The following DLL3 variants were observed in gnomAD, a reference collection of about 807,000 sequenced individuals.
DLL3 encodes the protein delta like canonical Notch ligand 3.
In DLL3, 49 loss-of-function variants were observed where a neutral mutation model predicts 55.0. The observed-to-expected ratio is 0.89, with a 90% CI of 0.71 to 1.13. The LOEUF (loss-of-function observed/expected upper bound fraction) is 1.13. Ranked by LOEUF, DLL3 falls within the 50% of genes most tolerant of loss-of-function variation. The pLI is 0.00. For synonymous variants in DLL3, 421 were observed against 385.2 expected, an observed-to-expected ratio of 1.09 and a Z score of -1.09; for missense variants, 962 against 875.5, an observed-to-expected ratio of 1.10 and a Z score of -1.25.
rs774019112 is a variant in DLL3, at chr19:39,507,041, G to A, written c.1096G>A (p.Gly366Arg). 9 of 1,535,638 alleles carry A rather than the reference G, an allele frequency of 5.9e-6. No individual in the cohort carries two copies. Among genetic ancestry groups the A allele is most frequent in the Middle Eastern group, 2.1e-4 (1 of 4,672 alleles). ...RCSLQPCRNG[G>R]LCLDLGHALR... ...CTCTGATGCTCCCTTCCCCACAGGC[G>A]GACTCTGCCTGGACCTGGGCCACGC... The change falls in exon 7 of 9, where the codon GGA becomes AGA. Residue 366 changes from glycine (G) to arginine (R), a missense_variant and splice_region_variant. Coordinates refer to ENST00000356433, the MANE Select transcript of DLL3 (RefSeq NM_203486.3).
Position 39,502,012 on chromosome 19 carries a change from T to C in DLL3, c.410-803T>C, listed in dbSNP as rs758344628. Among the ~76,000 whole-genome samples, 5 of 151,816 alleles carry C rather than the reference T, an allele frequency of 3.3e-5. No homozygotes were observed. The East Asian group carries it at 5.9e-4, about 18-fold the overall frequency. On this transcript the variant is annotated intron_variant, in intron 3 of 8. Coordinates refer to ENST00000356433, the MANE Select transcript of DLL3 (RefSeq NM_203486.3). The stretch of plus-strand genomic sequence containing the variant: ...CATCCTGGCTAACATGGTGAAACCC[T>C]GTCTCTACTAAAAATACAAAAAAAA...
chr19:39,504,037 G>A, intron 4 of DLL3, 34 bp from the exon 5 acceptor site: 1 of 1,608,702 alleles, frequency 6.2e-7, no homozygotes, highest in Non-Finnish European at 8.5e-7. Context: ...CGACGTTGGT[G>A]TTCCCTTTCT....
At position 39,507,105 on chromosome 19, in the gene DLL3, G is replaced by A. The variant is rs751674309; in HGVS notation, c.1160G>A (p.Arg387His). Residue 387 changes from arginine to histidine, a missense_variant, in exon 7 of 9, where the codon CGC (arginine) becomes CAC (histidine). Coordinates refer to ENST00000356433, the MANE Select transcript of DLL3 (RefSeq NM_203486.3). ...TGCCGCGCCGGCTTCGCGGGTCCTCGCTGCGAGCACGACCTGGACGACTGC... is the reference window on the plus strand; with the variant it reads ...TGCCGCGCCGGCTTCGCGGGTCCTCACTGCGAGCACGACCTGGACGACTGC... ...CRCRAGFAGP[R>H]CEHDLDDCAG... The A allele has an allele frequency of 9.7e-6, 15 of 1,543,160 alleles. No homozygotes were observed. The highest frequency in any genetic ancestry group is 1.3e-5 in the Non-Finnish European group (15 of 1,151,804).
intron 6 of DLL3, among the ~76,000 whole-genome samples, chr19:39,506,020 G>A (rs899849922): frequency 6.6e-6 from 1 of 151,918 alleles, no homozygotes; most frequent in Non-Finnish European, 1.5e-5. Flanking sequence ...AGACCAGCCC[G>A]GGCCACATGG....
Position 39,507,180 on chromosome 19 carries a change from C to T in DLL3, c.1235C>T (p.Ala412Val). The change falls in exon 7 of 9, where the codon GCG (alanine) becomes GTG (valine). Residue 412 changes from alanine to valine, a missense_variant. Coordinates refer to ENST00000356433, the MANE Select transcript of DLL3 (RefSeq NM_203486.3). ...NGGTCVEGGG[A>V]HRCSCALGFG... The stretch of plus-strand genomic sequence containing the variant: ...GGCACGTGTGTGGAGGGCGGCGGCG[C>T]GCACCGCTGCTCCTGCGCGCTGGGC... 6 of 1,348,648 alleles carry T rather than the reference C, an allele frequency of 4.4e-6. No homozygotes were observed. The highest frequency in any genetic ancestry group is 5.7e-6 in the Non-Finnish European group (6 of 1,059,232). 83.5% of individuals were successfully genotyped at this position (1,348,648 alleles called of 1,614,324 possible).
chr19:39,505,146 G>GCC, intron 5 of DLL3, 83 bp from the exon 6 acceptor site: 1 of 1,405,320 alleles, frequency 7.1e-7, no homozygotes, highest in Non-Finnish European at 1.0e-6. Context: ...ACAAGGAGCA[G>GCC]CCCCCAGTGG....
intron 6 of DLL3, among the ~76,000 whole-genome samples, chr19:39,505,972 A>C (rs2079638114): frequency 6.6e-6 from 1 of 152,082 alleles, no homozygotes; most frequent in South Asian, 2.1e-4. Flanking sequence ...GCACTTTGGG[A>C]GGCCGAGGCG....
Position 39,508,361 on chromosome 19 carries a change from G to C in DLL3, c.*104G>C. On this transcript the variant is annotated 3_prime_UTR_variant, in exon 9 of 9. Coordinates refer to ENST00000356433, the MANE Select transcript of DLL3 (RefSeq NM_203486.3). ...GGCTTTGGAGTTCAATCTTGAAGGG[G>C]TGTCTGGGGGAACTTTACTGTTGCA... The C allele has an allele frequency of 7.6e-7, 1 of 1,319,530 alleles. No individual in the cohort carries two copies. The highest frequency in any genetic ancestry group is 1.1e-6 in the Non-Finnish European group (1 of 916,592). The allele number at this position is 1,319,530 out of a possible 1,614,324, so 81.7% of individuals were successfully genotyped here. A position where few individuals can be genotyped will look rare whatever the true frequency, so the allele number is the denominator to read the frequency against.
intron 3 of DLL3, 140 bp from the exon 4 acceptor site, chr19:39,502,675 C>A (rs953440836): frequency 6.5e-6 from 7 of 1,084,570 alleles, no homozygotes; most frequent in Non-Finnish European, 8.3e-6. Context: ...ATTCTACTCG[C>A]GAGGTCCAAG....
chr19:39,505,291 G>A lies in DLL3; in HGVS notation c.933G>A (p.Val311=), dbSNP rs760420806. 13 of 1,614,090 alleles carry A rather than the reference G, an allele frequency of 8.1e-6. No individual in the cohort carries two copies. Among genetic ancestry groups the A allele is most frequent in the Non-Finnish European group, 1.0e-5 (12 of 1,180,046 alleles). The part of the protein sequence containing the change: ...PRGFYGLRCE[V]SGVTCADGPC... ...GGTTCTACGGGCTGCGGTGTGAGGT[G>A]AGCGGGGTGACATGTGCAGATGGAC... is the stretch of plus-strand genomic sequence containing the variant. The change falls in exon 6 of 9, where the codon GTG becomes GTA. Residue 311 remains valine (V), a synonymous_variant. Coordinates refer to ENST00000356433, the MANE Select transcript of DLL3 (RefSeq NM_203486.3).
intron 3 of DLL3, 21 bp downstream of exon 3, chr19:39,500,693 G>T: frequency 6.2e-7 from 1 of 1,611,022 alleles, no homozygotes; most frequent in South Asian, 1.1e-5. Flanking sequence ...TCAGTCTTGG[G>T]ACTGGTGGGG....
Position 39,499,222 on chromosome 19 carries a change from A to T in DLL3, c.100A>T (p.Ile34Phe), listed in dbSNP as rs781688970. The change falls in exon 2 of 9, where the codon ATC becomes TTC. Residue 34 changes from isoleucine to phenylalanine, a missense_variant. Transcript: ENST00000356433. Reference sequence around the variant, plus strand: ...GCCCGCTGGCGTCTTCGAGCTGCAGATCCACTCTTTCGGGCCGGGTCCAGG... The same window carrying T: ...GCCCGCTGGCGTCTTCGAGCTGCAGTTCCACTCTTTCGGGCCGGGTCCAGG... ...TRPAGVFELQIHSFGPGPGPG... is the reference protein window; with the variant it reads ...TRPAGVFELQFHSFGPGPGPG... 221 of 1,560,512 alleles carry T rather than the reference A, an allele frequency of 1.4e-4. No homozygotes were observed. Among genetic ancestry groups the T allele is most frequent in the Non-Finnish European group, 1.9e-4 (217 of 1,158,276 alleles).
At chr19:39,504,042 CTT>C (rs1393011140) in intron 4 of DLL3, 27 bp from the exon 5 acceptor site, 1 of 1,611,578 alleles carries the variant, frequency 6.2e-7, no homozygotes, top group Admixed American at 1.7e-5. Flanking sequence ...TTGGTGTTCC[CTT>C]TCTCTCTGCC....
chr19:39,500,346 T>C (rs931804070), intron 2 of DLL3, among the ~76,000 whole-genome samples: 1 of 151,312 alleles, frequency 6.6e-6, no homozygotes, highest in African/African-American at 2.4e-5. Context: ...GGAGGATTGC[T>C]TGAGCCTCGG....
rs1023296017 is a variant in DLL3 at position 39,507,104 on chromosome 19, C to G, written c.1159C>G (p.Arg387Gly). The G allele has an allele frequency of 6.5e-7, 1 of 1,543,254 alleles. No individual in the cohort carries two copies. Among genetic ancestry groups the G allele is most frequent in the Non-Finnish European group, 8.7e-7 (1 of 1,151,822 alleles). The change falls in exon 7 of 9, where the codon CGC becomes GGC. Residue 387 changes from arginine (R) to glycine (G), a missense_variant. Coordinates refer to ENST00000356433, the MANE Select transcript of DLL3 (RefSeq NM_203486.3). Reference sequence around the variant, plus strand: ...CTGCCGCGCCGGCTTCGCGGGTCCTCGCTGCGAGCACGACCTGGACGACTG... The same window carrying G: ...CTGCCGCGCCGGCTTCGCGGGTCCTGGCTGCGAGCACGACCTGGACGACTG... ...CRCRAGFAGP[R>G]CEHDLDDCAG...
intron 3 of DLL3, among the ~76,000 whole-genome samples, chr19:39,500,999 G>GTT (rs368983321): frequency 5.3e-4 from 79 of 147,888 alleles, no homozygotes; most frequent in Middle Eastern, 3.5e-3. Context: ...TTTATGTGAA[G>GTT]TTTTTTTTTT....
Position 39,508,121 on chromosome 19 carries a change from G to GA in DLL3, c.1759-126dup. On this transcript the variant is annotated intron_variant, in intron 8 of 8. Transcript: ENST00000356433. Reference sequence around the variant, plus strand: ...TTGAGCTACCTGCCATCTTCTCTTTGAAAAACCTATGGGCTTGAGGAGGTC... The same window carrying GA: ...TTGAGCTACCTGCCATCTTCTCTTTGAAAAAACCTATGGGCTTGAGGAGGTC... 1.2e-6 allele frequency: 2 copies of GA among 1,612,538 alleles called. 1 individual carries two copies. The highest frequency in any genetic ancestry group is 2.2e-5 in the South Asian group (2 of 90,810).
chr19:39,501,912 G>T (rs928169890), intron 3 of DLL3, among the ~76,000 whole-genome samples: 1 of 152,142 alleles, frequency 6.6e-6, no homozygotes, highest in Non-Finnish European at 1.5e-5. Context: ...AAGGCCCGGC[G>T]CGGTGGCTCA....
Position 39,502,873 on chromosome 19 carries a change from C to G in DLL3, c.468C>G (p.Gly156=), listed in dbSNP as rs1214956133. 8 of 1,420,840 alleles carry G rather than the reference C, an allele frequency of 5.6e-6. No homozygotes were observed. The highest frequency in any genetic ancestry group is 3.0e-5 in the East Asian group (1 of 32,832). 88.0% of individuals were successfully genotyped at this position (1,420,840 alleles called of 1,614,324 possible). A position where few individuals can be genotyped will look rare whatever the true frequency, so the allele number is the denominator to read the frequency against. ...GCAGGCGGCGCTTGGCAGCCGGAGG[C>G]CCGTGGGCCCGGGACATTCAGCGCG... is the stretch of plus-strand genomic sequence containing the variant. ...VAGRRRLAAG[G]PWARDIQRAG... The change falls in exon 4 of 9, where the codon GGC becomes GGG. Residue 156 remains glycine, a synonymous_variant. Coordinates refer to ENST00000356433, the MANE Select transcript of DLL3 (RefSeq NM_203486.3).
Sources: allele counts gnomAD v4.1 joint callset (sites outside exome capture counted in the v4.1 genomes callset), GRCh38; gene constraint gnomAD v4.1.1; transcripts MANE v1.5; gene names NCBI Gene and HGNC (gene_info 2026-07-23, HGNC 2026-07-21).